Variants in RGPD8 observed in about 807,000 individuals in gnomAD.
RGPD8 encodes RANBP2-like and GRIP domain-containing protein 8.
RGPD8 carries 15 observed loss-of-function variants against 89.1 expected under a neutral mutation model. The observed-to-expected ratio is 0.17, with a 90% CI of 0.11 to 0.26. The LOEUF is 0.26. RGPD8 is among the 10% of genes least tolerant of loss of function. The pLI is 1.00. For missense variants in RGPD8, 178 were observed against 1,179.6 expected (o/e 0.15, Z 12.44); for synonymous variants, 62 against 420.9 (o/e 0.15, Z 10.44).
At chr2:112,377,401 C>T (rs1311272562) in intron 22 of RGPD8, among the ~76,000 whole-genome samples, 1 of 110,846 alleles carries the variant, frequency 9.0e-6, no homozygotes, top group African/African-American at 2.9e-5. Context: ...GCCTCAGCCC[C>T]CTGAGTAGCT....
Position 112,415,457 on chromosome 2 carries a change from G to A in RGPD8, c.782+1736C>T, listed in dbSNP as rs374836863. 2.5e-3 allele frequency among the ~76,000 whole-genome samples: 385 copies of A among 151,182 alleles called. No homozygotes were observed. The East Asian group carries it at 0.046, about 18-fold the overall frequency. On this transcript the variant is annotated intron_variant, in intron 6 of 22. Transcript: ENST00000302558. ...ATCTTCCTCAGGGTCCTCCCCTCAG[G>A]CCCCCAAGTCACCCCATCATGGTCC...
At chr2:112,381,028 A>C in intron 20 of RGPD8, 65 bp from the exon 21 acceptor site, 2 of 533,668 alleles carry the variant, frequency 3.7e-6, no homozygotes, top group Admixed American at 4.1e-5. Flanking sequence ...ATTCTAAATA[A>C]GAAAAATCTA....
At chr2:112,424,769 T>TA (rs1179375432) in intron 1 of RGPD8, among the ~76,000 whole-genome samples, 4 of 150,876 alleles carry the variant, frequency 2.7e-5, no homozygotes, top group African/African-American at 9.8e-5. Context: ...ATCATCATCA[T>TA]AAATAAGCTG....
Position 112,390,109 on chromosome 2 carries a change from A to G in RGPD8, c.2836T>C (p.Leu946=), listed in dbSNP as rs776037523. The G allele has an allele frequency of 6.2e-7, 1 of 1,604,258 alleles. No homozygotes were observed. The highest frequency in any genetic ancestry group is 1.4e-5 in the African/African-American group (1 of 73,320). ...REKPLENDTG[L]QAQDIRGRKK... is the part of the protein sequence containing the mutation. ...CGGCCCCTAATATCCTGAGCCTGTA[A>G]GCCAGTATCATTTTCAAGAGGCTTT... is the stretch of plus-strand genomic sequence containing the variant. The change falls in exon 20 of 23, where the codon TTA becomes CTA. Residue 946 remains leucine (L), a synonymous_variant. Transcript: ENST00000302558.
intron 19 of RGPD8, 94 bp from the exon 20 acceptor site, chr2:112,390,341 G>T: frequency 1.2e-6 from 1 of 836,722 alleles, no homozygotes; most frequent in East Asian, 2.5e-5. Flanking sequence ...TTTATCAAAT[G>T]ATGTTAACAA....
intron 1 of RGPD8, among the ~76,000 whole-genome samples, chr2:112,431,116 G>A (rs1055774421): frequency 2.0e-5 from 3 of 152,206 alleles, no homozygotes; most frequent in South Asian, 2.1e-4. Flanking sequence ...ACAAAACAGC[G>A]GGTGTGGTGG....
intron 1 of RGPD8, chr2:112,432,620 C>T (rs1488482424): frequency 3.0e-6 from 3 of 985,090 alleles, no homozygotes; most frequent in Admixed American, 1.2e-4. Flanking sequence ...ACCTCCGCCG[C>T]GGCATATAAA....
chr2:112,432,922 G>A (rs1313667869), intron 1 of RGPD8, among the ~76,000 whole-genome samples: 11 of 147,328 alleles, frequency 7.5e-5, no homozygotes, highest in African/African-American at 2.7e-4. Context: ...CAGCGCCCTC[G>A]GGAGCCATGA....
intron 1 of RGPD8, chr2:112,432,652 A>G (rs1680093630): frequency 1.0e-6 from 1 of 985,096 alleles, no homozygotes; most frequent in Non-Finnish European, 1.2e-6. Flanking sequence ...GGACATGGGA[A>G]GAAACCCGCC....
rs1235589326 is a variant in RGPD8, at chr2:112,375,024, G to A, written c.5263+3029C>T. Among the ~76,000 whole-genome samples the A allele has an allele frequency of 3.1e-4, 41 of 131,970 alleles. 1 individual carries two copies. The highest frequency in any genetic ancestry group is 4.1e-4 in the Non-Finnish European group (25 of 60,338). 86.6% of individuals were successfully genotyped at this position (131,970 alleles called of 152,430 possible). A position where few individuals can be genotyped will look rare whatever the true frequency, so the allele number is the denominator to read the frequency against. Reference sequence around the variant, plus strand: ...ATTACAGGCATGCGCCACCATGCCCGGCTAATTTTTGTATTCTGAGTAGAG... The same window carrying A: ...ATTACAGGCATGCGCCACCATGCCCAGCTAATTTTTGTATTCTGAGTAGAG... On this transcript the variant is annotated intron_variant, in intron 22 of 22. Coordinates refer to ENST00000302558, the MANE Select transcript of RGPD8 (RefSeq NM_001164463.1).
At chr2:112,370,370 T>A (rs2104755379) in intron 22 of RGPD8, among the ~76,000 whole-genome samples, 158 bp from the exon 23 acceptor site, 1 of 143,636 alleles carries the variant, frequency 7.0e-6, no homozygotes, top group South Asian at 2.2e-4. Context: ...TTCTTTTTTT[T>A]TTTTTTTTTT....
At chr2:112,410,862 G>C (rs1460161334) in intron 7 of RGPD8, among the ~76,000 whole-genome samples, 1 of 152,296 alleles carries the variant, frequency 6.6e-6, no homozygotes, top group Admixed American at 6.5e-5. Context: ...GAGACGCGCA[G>C]ATCACCTGAG....
At chr2:112,413,073 C>T (rs1574012387) in intron 6 of RGPD8, among the ~76,000 whole-genome samples, 1 of 122,388 alleles carries the variant, frequency 8.2e-6, no homozygotes, top group East Asian at 2.2e-4. Flanking sequence ...ATCAATACAG[C>T]AATTGCTCTT....
At chr2:112,427,577 G>T (rs1297513036) in intron 1 of RGPD8, among the ~76,000 whole-genome samples, 3 of 152,102 alleles carry the variant, frequency 2.0e-5, no homozygotes, top group Middle Eastern at 3.2e-3. Flanking sequence ...TGCACAGTAA[G>T]ATAGAGATGT....
intron 2 of RGPD8, 35 bp from the exon 3 acceptor site, chr2:112,422,694 C>T: frequency 5.3e-6 from 4 of 757,728 alleles, no homozygotes; most frequent in African/African-American, 2.2e-5. Flanking sequence ...GTAAATTAAA[C>T]TTAGAACTGT....
intron 1 of RGPD8, among the ~76,000 whole-genome samples, chr2:112,431,259 AAAAAT>A (rs1463214534): frequency 3.9e-5 from 6 of 152,198 alleles, no homozygotes; most frequent in African/African-American, 1.4e-4. Context: ...CCACCTCAAA[AAAAAT>A]AAAATAACAC....
chr2:112,421,059 T>TG (rs1396371252), intron 4 of RGPD8, among the ~76,000 whole-genome samples: 1 of 150,956 alleles, frequency 6.6e-6, no homozygotes, highest in Non-Finnish European at 1.5e-5. Context: ...AGCATTTCTT[T>TG]GAGCATCATG....
In RGPD8 at chr2:112,417,214, T is replaced by C; in HGVS notation, c.761A>G (p.Glu254Gly). The C allele has an allele frequency of 6.2e-7, 1 of 1,609,874 alleles. No homozygotes were observed. The highest frequency in any genetic ancestry group is 2.2e-5 in the East Asian group (1 of 44,866). Residue 254 changes from glutamate (E) to glycine (G), a missense_variant, in exon 6 of 23, where the codon GAA becomes GGA. Transcript: ENST00000302558. ...LLTLSTRDVQ[E>G]NRELLESFDS... is the part of the protein sequence containing the mutation. ...GCACCTTTCCAGTAATTCTCTATTT[T>C]CCTGCACATCTCTAGTGGAAAGCGT...
chr2:112,376,495 T>G (rs1283131569), intron 22 of RGPD8, among the ~76,000 whole-genome samples: 2 of 111,970 alleles, frequency 1.8e-5, no homozygotes, highest in African/African-American at 6.3e-5. Context: ...AAAAATATAC[T>G]TATATATATA....
Sources: allele counts gnomAD v4.1 joint callset (sites outside exome capture counted in the v4.1 genomes callset), GRCh38; gene constraint gnomAD v4.1.1; transcripts MANE v1.5; gene names NCBI Gene and HGNC (gene_info 2026-07-23, HGNC 2026-07-21).